VLDLR: variants seen among roughly 807,000 people sequenced by gnomAD.
The protein encoded by VLDLR is very low-density lipoprotein receptor.
In VLDLR, 81 loss-of-function variants were observed where a neutral mutation model predicts 112.7. The ratio of observed to expected loss-of-function variants is 0.72; its 90% confidence interval spans 0.60 to 0.86. The LOEUF (loss-of-function observed/expected upper bound fraction) is 0.86. VLDLR is among the 40% of genes least tolerant of loss of function. The probability of loss-of-function intolerance (pLI) is 0.00; values close to 1 mark genes in which losing one functional copy is unlikely to be tolerated. For synonymous variants in VLDLR, 436 were observed against 384.8 expected (o/e 1.13, Z -1.56); for missense variants, 1,237 against 1,099.4 (o/e 1.13, Z -1.77).
At chr9:2,636,050 T>C (rs1817589515) in intron 2 of VLDLR, among the ~76,000 whole-genome samples, 1 of 152,214 alleles carries the variant, frequency 6.6e-6, no homozygotes, top group African/African-American at 2.4e-5. Context: ...TTTAATTCTC[T>C]GCCTACAATA....
At chr9:2,627,103 A>G (rs1024401384) in intron 1 of VLDLR, among the ~76,000 whole-genome samples, 1 of 152,302 alleles carries the variant, frequency 6.6e-6, no homozygotes, top group East Asian at 1.9e-4. Context: ...TAGTAGGGGA[A>G]TCAAAGCAGG....
intron 12 of VLDLR, chr9:2,647,811 T>C: frequency 1.6e-6 from 1 of 631,990 alleles, no homozygotes; most frequent in Middle Eastern, 4.2e-4. Context: ...GGGCCTAATA[T>C]GTGACACAAA....
intron 1 of VLDLR, among the ~76,000 whole-genome samples, chr9:2,625,426 GT>G (rs1309172243): frequency 6.6e-6 from 1 of 152,170 alleles, no homozygotes; most frequent in Non-Finnish European, 1.5e-5. Context: ...ATGTAAATTT[GT>G]TCTTTTCAGT....
chr9:2,632,481 T>C (rs1817395176), intron 1 of VLDLR, among the ~76,000 whole-genome samples: 2 of 151,944 alleles, frequency 1.3e-5, no homozygotes, highest in South Asian at 4.2e-4. Context: ...GTAGATGATT[T>C]CAAGCTCAAC....
intron 1 of VLDLR, among the ~76,000 whole-genome samples, chr9:2,629,971 T>A (rs546708081): frequency 8.5e-5 from 13 of 152,328 alleles, no homozygotes; most frequent in African/African-American, 3.1e-4. Context: ...TTTTTGTATT[T>A]TTAGCAGACA....
intron 1 of VLDLR, among the ~76,000 whole-genome samples, chr9:2,632,568 TCCTATAATC>T (rs1817401271): frequency 6.6e-6 from 1 of 152,174 alleles, no homozygotes; most frequent in Non-Finnish European, 1.5e-5. Context: ...AGGTCCACAA[TCCTATAATC>T]CCAAAGCTTT....
intron 11 of VLDLR, among the ~76,000 whole-genome samples, chr9:2,646,949 G>A (rs1332566520): frequency 6.6e-6 from 1 of 152,184 alleles, no homozygotes; most frequent in East Asian, 1.9e-4. Flanking sequence ...GTGAGGATTT[G>A]GGTAACCACA....
At chr9:2,635,636 T>G (rs375125270) in intron 2 of VLDLR, 64 bp downstream of exon 2, 2 of 1,608,062 alleles carry the variant, frequency 1.2e-6, no homozygotes, top group Admixed American at 3.3e-5. Flanking sequence ...AGTCTGCAAA[T>G]GTATTGAGAT....
intron 2 of VLDLR, among the ~76,000 whole-genome samples, chr9:2,635,909 A>T (rs553429698): frequency 6.6e-6 from 1 of 152,012 alleles, no homozygotes; most frequent in Admixed American, 6.6e-5. Context: ...TTAATTTTCA[A>T]ATGGCTCTGA....
rs538374804 is a variant in VLDLR at position 2,657,318 on chromosome 9, C to G, written c.*3450C>G. 4 of 152,252 alleles carry G rather than the reference C, an allele frequency of 2.6e-5. No homozygotes were observed. Among genetic ancestry groups the G allele is most frequent in the Admixed American group, 2.6e-4 (4 of 15,298 alleles). 9.4% of individuals were successfully genotyped at this position (152,252 alleles called of 1,614,324 possible). ...TGCTTTCAATGGTGGCAAAAACTTG[C>G]AAAAAGCAGATATACTTTTGCTAAT... On this transcript the variant is annotated 3_prime_UTR_variant, in exon 19 of 19. Coordinates refer to ENST00000382100, the MANE Select transcript of VLDLR (RefSeq NM_003383.5).
At chr9:2,631,918 A>G (rs1476548803) in intron 1 of VLDLR, among the ~76,000 whole-genome samples, 1 of 152,076 alleles carries the variant, frequency 6.6e-6, no homozygotes, top group Non-Finnish European at 1.5e-5. Flanking sequence ...GTGTCTGTGT[A>G]GCAAAGTTAA....
chr9:2,656,400 C>T lies in VLDLR; in HGVS notation c.*2532C>T, dbSNP rs1055050680. On this transcript the variant is annotated 3_prime_UTR_variant, in exon 19 of 19. Transcript: ENST00000382100. ...CTTGAGGCCAGGAGTTCGAGACCAGCCTGAGCAACATGGTGAGACCCTGTC... is the reference window on the plus strand; with the variant it reads ...CTTGAGGCCAGGAGTTCGAGACCAGTCTGAGCAACATGGTGAGACCCTGTC... The T allele has an allele frequency of 6.6e-6, 1 of 151,938 alleles. No individual in the cohort carries two copies. Among genetic ancestry groups the T allele is most frequent in the Non-Finnish European group, 1.5e-5 (1 of 68,058 alleles). The allele number at this position is 151,938 out of a possible 1,614,324, so 9.4% of individuals were successfully genotyped here.
At chr9:2,632,518 T>A (rs1817397420) in intron 1 of VLDLR, among the ~76,000 whole-genome samples, 1 of 152,208 alleles carries the variant, frequency 6.6e-6, no homozygotes, top group African/African-American at 2.4e-5. Flanking sequence ...AGTATAATAC[T>A]GAATTTGAGA....
intron 1 of VLDLR, among the ~76,000 whole-genome samples, chr9:2,624,738 C>CTA (rs1181439779): frequency 3.9e-5 from 6 of 152,308 alleles, no homozygotes; most frequent in Admixed American, 3.9e-4. Context: ...GTAAACTTGG[C>CTA]TCATCCAGAT....
At position 2,639,888 on chromosome 9, in the gene VLDLR, G is replaced by T. The variant is rs367862086; in HGVS notation, c.232G>T (p.Val78Leu). 6.2e-7 allele frequency: 1 copy of T among 1,614,078 alleles called. No homozygotes were observed. The highest frequency in any genetic ancestry group is 8.5e-7 in the Non-Finnish European group (1 of 1,180,012). ...VKKTCAESDF[V>L]CNNGQCVPSR... ...GAAGACGTGTGCTGAATCTGACTTC[G>T]TGTGCAACAATGGCCAGTGTGTTCC... Residue 78 changes from valine (V) to leucine (L), a missense_variant, in exon 3 of 19, where the codon GTG becomes TTG. Transcript: ENST00000382100.
chr9:2,623,773 C>A (rs759237743), intron 1 of VLDLR, among the ~76,000 whole-genome samples: 2 of 152,156 alleles, frequency 1.3e-5, no homozygotes, highest in Non-Finnish European at 2.9e-5. Context: ...TCTCAAATGC[C>A]TTCCCCTGCC....
At chr9:2,630,590 A>G (rs960124465) in intron 1 of VLDLR, among the ~76,000 whole-genome samples, 46 of 152,302 alleles carry the variant, frequency 3.0e-4, no homozygotes, top group Non-Finnish European at 1.3e-4. Flanking sequence ...TCGGAGCCCC[A>G]TAGGGAGATT....
intron 2 of VLDLR, 70 bp downstream of exon 2, chr9:2,635,642 G>T (rs1817571193): frequency 6.2e-7 from 1 of 1,605,568 alleles, no homozygotes. Context: ...CAAATGTATT[G>T]AGATTCTGAA....
chr9:2,636,994 G>T (rs141091656), intron 2 of VLDLR, among the ~76,000 whole-genome samples: 1 of 152,142 alleles, frequency 6.6e-6, no homozygotes, highest in African/African-American at 2.4e-5. Flanking sequence ...AAATAGTCTT[G>T]TATAAGTACT....
Sources: gnomAD v4.1 joint callset for allele counts (sites outside exome capture counted in the v4.1 genomes callset) on GRCh38, gnomAD v4.1.1 for gene constraint, MANE v1.5 for transcripts, NCBI Gene and HGNC (gene_info 2026-07-23, HGNC 2026-07-21) for gene names.